The following SLIT3 variants were observed in gnomAD, a reference collection of about 807,000 sequenced individuals.
SLIT3 encodes the protein slit homolog 3 protein.
A neutral mutation model predicts 184.0 loss-of-function variants in SLIT3; 68 were observed. The ratio of observed to expected loss-of-function variants is 0.37; its 90% CI spans 0.30 to 0.45. SLIT3 has a LOEUF of 0.45. Ranked by LOEUF, SLIT3 falls within the 20% of genes least tolerant of loss-of-function variation. The probability of loss-of-function intolerance (pLI) is 1.00; values close to 1 mark genes in which losing one functional copy is unlikely to be tolerated. For missense variants in SLIT3, 1,707 were observed against 2,026.0 expected (o/e 0.84, Z 3.02); for synonymous variants, 831 against 828.6 (o/e 1.00, Z -0.05).
At chr5:169,003,985 T>A (rs1286501829) in intron 4 of SLIT3, among the ~76,000 whole-genome samples, 21 of 152,130 alleles carry the variant, frequency 1.4e-4, no homozygotes, top group Admixed American at 1.3e-3. Flanking sequence ...GCTGACTGAT[T>A]CTCACGTTAG....
In SLIT3 at chr5:168,793,376, T is replaced by A. The variant is rs576637890; in HGVS notation, c.1007+2131A>T. On this transcript the variant is annotated intron_variant, in intron 10 of 35. Transcript: ENST00000519560. ...TTTAGGAAAAATTAGGGTTTTGAAA[T>A]CCATTCTCACCAGGGACCCTACCTC... is the stretch of plus-strand genomic sequence containing the variant. Among the ~76,000 whole-genome samples, 6 of 152,274 alleles carry A rather than the reference T, an allele frequency of 3.9e-5. No individual in the cohort carries two copies. The East Asian group carries it at 5.8e-4, about 15-fold the overall frequency.
intron 4 of SLIT3, among the ~76,000 whole-genome samples, chr5:169,020,667 GAGTTA>G (rs1756564289): frequency 6.6e-6 from 1 of 152,182 alleles, no homozygotes; most frequent in Non-Finnish European, 1.5e-5. Context: ...TTAGAACTTA[GAGTTA>G]AGGAATGAAA....
intron 4 of SLIT3, among the ~76,000 whole-genome samples, chr5:168,991,205 A>T (rs1049742362): frequency 6.6e-6 from 1 of 152,186 alleles, no homozygotes; most frequent in Non-Finnish European, 1.5e-5. Flanking sequence ...AAGGACTCTG[A>T]ACTGGGGGGT....
chr5:169,218,752 G>C (rs1156885955), intron 3 of SLIT3, among the ~76,000 whole-genome samples: 1 of 152,192 alleles, frequency 6.6e-6, no homozygotes, highest in African/African-American at 2.4e-5. Flanking sequence ...CTTGCAGCTG[G>C]TAATTGCTGA....
intron 26 of SLIT3, among the ~76,000 whole-genome samples, chr5:168,704,558 A>C (rs1762321334): frequency 6.6e-6 from 1 of 152,222 alleles, no homozygotes; most frequent in South Asian, 2.1e-4. Flanking sequence ...AAATTATTTC[A>C]TCTTTCTGAA....
At chr5:168,933,837 A>T (rs1762071726) in intron 4 of SLIT3, among the ~76,000 whole-genome samples, 1 of 152,218 alleles carries the variant, frequency 6.6e-6, no homozygotes, top group Admixed American at 6.5e-5. Context: ...TCAGCACAAG[A>T]GTGATGCGCT....
At chr5:168,898,349 C>G (rs187046130) in intron 4 of SLIT3, among the ~76,000 whole-genome samples, 2 of 151,468 alleles carry the variant, frequency 1.3e-5, no homozygotes, top group African/African-American at 2.4e-5. Context: ...AGTGGTCCCC[C>G]GGGATGTCAG....
At chr5:168,776,582 G>C (rs1407945759) in intron 12 of SLIT3, among the ~76,000 whole-genome samples, 1 of 152,120 alleles carries the variant, frequency 6.6e-6, no homozygotes, top group African/African-American at 2.4e-5. Context: ...TGATAATTGA[G>C]GTCTCTAGAG....
chr5:168,879,510 G>T (rs2113782209), intron 5 of SLIT3, among the ~76,000 whole-genome samples: 1 of 152,282 alleles, frequency 6.6e-6, no homozygotes, highest in South Asian at 2.1e-4. Context: ...CCTCTGTCCA[G>T]ATGCTTCTCC....
At chr5:169,064,755 C>G (rs1272944948) in intron 4 of SLIT3, among the ~76,000 whole-genome samples, 1 of 152,170 alleles carries the variant, frequency 6.6e-6, no homozygotes, top group African/African-American at 2.4e-5. Flanking sequence ...TGATTCAATT[C>G]TAGGAGCACT....
chr5:169,221,197 G>C (rs1462188968), intron 3 of SLIT3, among the ~76,000 whole-genome samples: 2 of 152,174 alleles, frequency 1.3e-5, no homozygotes, highest in East Asian at 3.9e-4. Flanking sequence ...AGCTCTTTTA[G>C]AGCTCAAAGT....
chr5:169,299,863 C>T (rs1350954885), intron 1 of SLIT3, among the ~76,000 whole-genome samples: 1 of 152,028 alleles, frequency 6.6e-6, no homozygotes, highest in Non-Finnish European at 1.5e-5. Flanking sequence ...CCGGCCCCTT[C>T]GTTCGGGGAG....
intron 4 of SLIT3, among the ~76,000 whole-genome samples, chr5:168,917,354 G>A (rs1198270040): frequency 6.6e-6 from 1 of 152,168 alleles, no homozygotes; most frequent in Non-Finnish European, 1.5e-5. Context: ...GTGGTCCTGG[G>A]CATTGTGTCT....
intron 5 of SLIT3, among the ~76,000 whole-genome samples, chr5:168,858,227 C>A (rs957454060): frequency 3.0e-4 from 46 of 152,180 alleles, no homozygotes; most frequent in African/African-American, 1.1e-3. Flanking sequence ...CGGGGATAGT[C>A]CCAAATGGAG....
At chr5:168,718,749 TTCTCTCTC>T (rs990029456) in intron 23 of SLIT3, among the ~76,000 whole-genome samples, 2 of 83,776 alleles carry the variant, frequency 2.4e-5, no homozygotes, top group African/African-American at 8.2e-5. Flanking sequence ...CTCTCTCTCT[TTCTCTCTC>T]TCTCTTAAAT....
intron 1 of SLIT3, among the ~76,000 whole-genome samples, chr5:169,257,079 T>G (rs1177851409): frequency 6.6e-6 from 1 of 152,058 alleles, no homozygotes; most frequent in African/African-American, 2.4e-5. Flanking sequence ...CGTGGACAAC[T>G]CACCAGCCTG....
chr5:168,730,231 A>G (rs577470711), intron 20 of SLIT3, among the ~76,000 whole-genome samples: 30 of 152,220 alleles, frequency 2.0e-4, no homozygotes, highest in African/African-American at 7.0e-4. Flanking sequence ...ACACAAACAA[A>G]TAATACTGGA....
chr5:168,963,857 A>G (rs1763096947), intron 4 of SLIT3, among the ~76,000 whole-genome samples: 1 of 152,246 alleles, frequency 6.6e-6, no homozygotes, highest in South Asian at 2.1e-4. Context: ...AGTAAAAACC[A>G]GGAAAATATG....
intron 4 of SLIT3, among the ~76,000 whole-genome samples, chr5:169,185,313 G>A (rs142796082): frequency 0.017 from 2,523 of 152,268 alleles, 23 homozygotes; most frequent in Admixed American, 0.028. Context: ...GCTTTGGGTG[G>A]CTGTGTCCCT....
Sources: gnomAD v4.1 joint callset for allele counts (sites outside exome capture counted in the v4.1 genomes callset) on GRCh38, gnomAD v4.1.1 for gene constraint, MANE v1.5 for transcripts, NCBI Gene and HGNC (gene_info 2026-07-23, HGNC 2026-07-21) for gene names.